Variants in KAZN observed in about 807,000 individuals in gnomAD.
KAZN encodes kazrin, periplakin interacting protein, also known as kazrin.
A neutral mutation model predicts 87.4 loss-of-function variants in KAZN; 40 were observed. That is an observed-to-expected ratio of 0.46 (90% CI 0.36 to 0.60). KAZN has a LOEUF of 0.60. Ranked by LOEUF, KAZN falls within the 20% of genes least tolerant of loss-of-function variation. The pLI is 0.00. For missense variants in KAZN, 898 were observed against 1,073.9 expected (o/e 0.84, Z 2.29); for synonymous variants, 466 against 458.3 (o/e 1.02, Z -0.22).
chr1:14,683,607 C>T (rs1356640003), intron 1 of KAZN, among the ~76,000 whole-genome samples: 1 of 152,196 alleles, frequency 6.6e-6, no homozygotes, highest in South Asian at 2.1e-4. Flanking sequence ...CACTTATTCA[C>T]GACCCATTTA....
rs145738029 is a variant in KAZN at position 14,999,961 on chromosome 1, C to T, written c.419-34788C>T. Among the ~76,000 whole-genome samples, 586 of 152,216 alleles carry T rather than the reference C, an allele frequency of 3.8e-3. 3 individuals carry two copies. Among genetic ancestry groups the T allele is most frequent in the Admixed American group, 7.6e-3 (116 of 15,290 alleles). ...AGCCTGTGGTAAGCTAAATAATGCCCGCCCCCCAAGATGTCCATGATATAA... is the reference window on the plus strand; with the variant it reads ...AGCCTGTGGTAAGCTAAATAATGCCTGCCCCCCAAGATGTCCATGATATAA... On this transcript the variant is annotated intron_variant, in intron 2 of 14. Transcript: ENST00000376030.
chr1:15,033,777 C>T (rs1414946348), intron 2 of KAZN, among the ~76,000 whole-genome samples: 4 of 152,180 alleles, frequency 2.6e-5, no homozygotes, highest in Non-Finnish European at 4.4e-5. Flanking sequence ...CTCGCTCTCT[C>T]ACCCAGGCTG....
At chr1:15,047,458 C>T (rs545000024) in intron 4 of KAZN, among the ~76,000 whole-genome samples, 184 of 152,208 alleles carry the variant, frequency 1.2e-3, no homozygotes, top group African/African-American at 4.2e-3. Context: ...GAGGGCGCAG[C>T]TTAGCAATGG....
chr1:13,996,126 AC>A (rs1639505663), intron 1 of KAZN, among the ~76,000 whole-genome samples: 1 of 151,988 alleles, frequency 6.6e-6, no homozygotes, highest in South Asian at 2.1e-4. Context: ...GGAACCCTCA[AC>A]CCCCAGCCAA....
chr1:14,318,310 T>C lies in KAZN; in HGVS notation c.249+137718T>C, dbSNP rs78740382. Among the ~76,000 whole-genome samples the C allele has an allele frequency of 1.2e-3, 185 of 152,258 alleles. 1 individual carries two copies. The East Asian group carries it at 0.032, about 27-fold the overall frequency. On this transcript the variant is annotated intron_variant, in intron 2 of 16. Transcript: ENST00000636203. Reference sequence around the variant, plus strand: ...GTATTTTGCCTTCATTTTTGAAATATATTTTTGCTGGCTCTAGAATGCTAT... The same window carrying C: ...GTATTTTGCCTTCATTTTTGAAATACATTTTTGCTGGCTCTAGAATGCTAT...
At chr1:14,412,021 T>C (rs1664346747) in intron 2 of KAZN, among the ~76,000 whole-genome samples, 1 of 152,240 alleles carries the variant, frequency 6.6e-6, no homozygotes, top group Non-Finnish European at 1.5e-5. Flanking sequence ...TATTCGGCAT[T>C]CTCCCGTTTC....
intron 2 of KAZN, among the ~76,000 whole-genome samples, chr1:14,531,779 A>G (rs1416058330): frequency 6.6e-6 from 1 of 152,220 alleles, no homozygotes; most frequent in South Asian, 2.1e-4. Flanking sequence ...ATGGAAACTA[A>G]TATTAGCAAC....
intron 8 of KAZN, among the ~76,000 whole-genome samples, chr1:15,086,820 G>A (rs533798968): frequency 2.0e-5 from 3 of 152,310 alleles, no homozygotes; most frequent in African/African-American, 7.2e-5. Context: ...TTTTATTAAG[G>A]TAAATAGGTA....
chr1:14,977,386 A>G (rs1665754733), intron 2 of KAZN, among the ~76,000 whole-genome samples: 1 of 152,194 alleles, frequency 6.6e-6, no homozygotes, highest in Admixed American at 6.5e-5. Context: ...ACCCTCAGGT[A>G]TGTACCCATG....
At chr1:14,824,113 CAAAA>C (rs56851270) in intron 1 of KAZN, among the ~76,000 whole-genome samples, 18 of 125,248 alleles carry the variant, frequency 1.4e-4, no homozygotes, top group Admixed American at 2.4e-4. Flanking sequence ...GACTCCATCT[CAAAA>C]AAAAAAAAAA....
intron 8 of KAZN, among the ~76,000 whole-genome samples, chr1:15,088,136 T>A (rs1640352848): frequency 6.6e-6 from 1 of 152,242 alleles, no homozygotes; most frequent in South Asian, 2.1e-4. Context: ...TTTGTGGGCC[T>A]GTCTCAACGT....
At chr1:14,015,614 G>GGGATTACA (rs1409226108) in intron 1 of KAZN, among the ~76,000 whole-genome samples, 1 of 147,260 alleles carries the variant, frequency 6.8e-6, no homozygotes, top group East Asian at 2.1e-4. Flanking sequence ...CCGAGTAGCT[G>GGGATTACA]GGATTACAGG....
chr1:14,071,320 T>C (rs1262841576), intron 1 of KAZN, among the ~76,000 whole-genome samples: 2 of 152,110 alleles, frequency 1.3e-5, no homozygotes, highest in Admixed American at 6.5e-5. Context: ...TTTAATCACC[T>C]TGGGCTGGAG....
intron 3 of KAZN, among the ~76,000 whole-genome samples, chr1:15,036,856 A>C (rs962919839): frequency 6.6e-6 from 1 of 152,166 alleles, no homozygotes; most frequent in East Asian, 1.9e-4. Flanking sequence ...TTCATTTAAC[A>C]TCCACACGGA....
chr1:14,414,904 T>C (rs1046773560), intron 2 of KAZN, among the ~76,000 whole-genome samples: 4 of 152,154 alleles, frequency 2.6e-5, no homozygotes, highest in African/African-American at 4.8e-5. Flanking sequence ...TGCACACCTG[T>C]AGCCCCAGCT....
chr1:14,636,883 T>A (rs925334194), intron 1 of KAZN, among the ~76,000 whole-genome samples: 2 of 152,190 alleles, frequency 1.3e-5, no homozygotes, highest in Admixed American at 1.3e-4. Flanking sequence ...ATAACCAAAG[T>A]GATCTTACCC....
chr1:14,868,097 A>G (rs1003282993), intron 1 of KAZN, among the ~76,000 whole-genome samples: 4 of 125,566 alleles, frequency 3.2e-5, no homozygotes, highest in Non-Finnish European at 5.5e-5. Flanking sequence ...GCACGGTATC[A>G]CATACACAGG....
intron 1 of KAZN, among the ~76,000 whole-genome samples, chr1:14,784,001 A>C (rs1031907075): frequency 1.3e-5 from 2 of 152,198 alleles, no homozygotes; most frequent in African/African-American, 4.8e-5. Context: ...TCAGAGTTCA[A>C]CCAGAGAAGC....
chr1:14,968,462 C>T (rs765897421), intron 2 of KAZN, among the ~76,000 whole-genome samples: 3 of 152,252 alleles, frequency 2.0e-5, no homozygotes, highest in Non-Finnish European at 4.4e-5. Flanking sequence ...TTGGGGACCC[C>T]GTGTGAAGCC....
Sources: allele counts gnomAD v4.1 joint callset (sites outside exome capture counted in the v4.1 genomes callset), GRCh38; gene constraint gnomAD v4.1.1; transcripts MANE v1.5; gene names NCBI Gene and HGNC (gene_info 2026-07-23, HGNC 2026-07-21).